Variants in GCH1 observed in about 807,000 individuals in gnomAD.
The protein encoded by GCH1 is GTP cyclohydrolase I.
A neutral mutation model predicts 25.9 loss-of-function variants in GCH1; 5 were observed. The ratio of observed to expected loss-of-function variants is 0.19; its 90% CI spans 0.10 to 0.41. The LOEUF (loss-of-function observed/expected upper bound fraction) is 0.41, where lower values mean the gene tolerates loss of function less well. GCH1 is among the 10% of genes least tolerant of loss of function. The pLI, the probability that GCH1 is intolerant of heterozygous loss-of-function variation, is 1.00. For synonymous variants in GCH1, 159 were observed against 129.6 expected, an observed-to-expected ratio of 1.23 and a Z score of -1.54; for missense variants, 261 against 336.5, an observed-to-expected ratio of 0.78 and a Z score of 1.75.
At chr14:54,869,230 G>A (rs1301376892) in intron 1 of GCH1, among the ~76,000 whole-genome samples, 1 of 151,698 alleles carries the variant, frequency 6.6e-6, no homozygotes, top group African/African-American at 2.4e-5. Context: ...TAGTAGAGAC[G>A]GGGTTTCACT....
chr14:54,874,463 A>AT (rs1342762821), intron 1 of GCH1, among the ~76,000 whole-genome samples: 1 of 152,224 alleles, frequency 6.6e-6, no homozygotes, highest in African/African-American at 2.4e-5. Context: ...CACCACTCCT[A>AT]TTCAACATAG....
chr14:54,852,604 G>A (rs2039748656), intron 3 of GCH1, among the ~76,000 whole-genome samples: 1 of 152,220 alleles, frequency 6.6e-6, no homozygotes, highest in South Asian at 2.1e-4. Flanking sequence ...ACTCCACACA[G>A]ACAGTGGGTC....
At chr14:54,867,761 C>A (rs111630397) in intron 1 of GCH1, among the ~76,000 whole-genome samples, 11 of 151,928 alleles carry the variant, frequency 7.2e-5, no homozygotes, top group Admixed American at 2.0e-4. Context: ...ACTATGCAGG[C>A]GGAGCAAGTG....
intron 1 of GCH1, among the ~76,000 whole-genome samples, chr14:54,870,901 C>T (rs1001852105): frequency 1.3e-4 from 20 of 152,334 alleles, no homozygotes; most frequent in African/African-American, 4.8e-4. Flanking sequence ...CTGCCTGCCT[C>T]CGTAGACTCC....
At chr14:54,848,183 C>A (rs992614712) in intron 3 of GCH1, among the ~76,000 whole-genome samples, 1 of 148,546 alleles carries the variant, frequency 6.7e-6, no homozygotes, top group African/African-American at 2.5e-5. Flanking sequence ...GCCATCCAGG[C>A]TGGAGTGCAA....
chr14:54,872,150 C>T (rs1303390528), intron 1 of GCH1, among the ~76,000 whole-genome samples: 3 of 152,148 alleles, frequency 2.0e-5, no homozygotes, highest in East Asian at 1.9e-4. Flanking sequence ...GCTGATCTCT[C>T]GGCAGAAACT....
chr14:54,896,075 G>T (rs2040479664), intron 1 of GCH1, among the ~76,000 whole-genome samples: 1 of 152,154 alleles, frequency 6.6e-6, no homozygotes, highest in African/African-American at 2.4e-5. Context: ...AATGGATTTT[G>T]AAGAATGTAA....
At chr14:54,851,682 C>T (rs1279463497) in intron 3 of GCH1, among the ~76,000 whole-genome samples, 8 of 152,188 alleles carry the variant, frequency 5.3e-5, no homozygotes, top group Admixed American at 3.3e-4. Context: ...GATACCATCT[C>T]ACACCAGTTA....
chr14:54,862,467 C>T (rs1013298769), intron 2 of GCH1, among the ~76,000 whole-genome samples: 2 of 148,332 alleles, frequency 1.3e-5, no homozygotes, highest in Non-Finnish European at 3.0e-5. Context: ...ACTGCAGCCT[C>T]GACCTCCTGG....
chr14:54,865,983 A>T (rs1382726562), intron 1 of GCH1, among the ~76,000 whole-genome samples: 1 of 152,156 alleles, frequency 6.6e-6, no homozygotes, highest in Non-Finnish European at 1.5e-5. Context: ...CTTATTCTAA[A>T]CAGTTGCCTT....
chr14:54,851,512 T>A (rs954201242), intron 3 of GCH1, among the ~76,000 whole-genome samples: 16 of 152,074 alleles, frequency 1.1e-4, no homozygotes, highest in Non-Finnish European at 1.6e-4. Context: ...CAAAGAACTT[T>A]AACAAATTTA....
At chr14:54,861,797 T>C (rs957187651) in intron 2 of GCH1, among the ~76,000 whole-genome samples, 1 of 151,656 alleles carries the variant, frequency 6.6e-6, no homozygotes, top group African/African-American at 2.4e-5. Flanking sequence ...GAGGAAGTAA[T>C]AGCAGAAAGT....
chr14:54,853,564 G>A (rs1020640602), intron 3 of GCH1, among the ~76,000 whole-genome samples: 2 of 152,100 alleles, frequency 1.3e-5, no homozygotes, highest in African/African-American at 2.4e-5. Context: ...GTGCCAAGAG[G>A]GGCATTATTA....
At chr14:54,877,805 T>G (rs2040185041) in intron 1 of GCH1, among the ~76,000 whole-genome samples, 1 of 152,120 alleles carries the variant, frequency 6.6e-6, no homozygotes, top group South Asian at 2.1e-4. Flanking sequence ...CCCAAGTGCT[T>G]ATTTAAGCAT....
Position 54,843,067 on chromosome 14 carries a change from G to T in GCH1, c.*950C>A. The T allele has an allele frequency of 8.5e-7, 1 of 1,176,396 alleles. No homozygotes were observed. The highest frequency in any genetic ancestry group is 1.2e-5 in the South Asian group (1 of 81,016). The allele number at this position is 1,176,396 out of a possible 1,614,324, so 72.9% of individuals were successfully genotyped here. The stretch of plus-strand genomic sequence containing the variant: ...TGGTTCTGCAGACCTGAAAATGATG[G>T]GCACTCTCAAATGTTTCTGGAAATA... On this transcript the variant is annotated 3_prime_UTR_variant, in exon 6 of 6. Transcript: ENST00000491895.
intron 2 of GCH1, among the ~76,000 whole-genome samples, chr14:54,863,421 CAAAA>C (rs755639452): frequency 1.2e-4 from 1 of 8,338 alleles, no homozygotes; most frequent in African/African-American, 5.8e-4. Context: ...GACTCCGTCT[CAAAA>C]AAAAAAAAAA....
At chr14:54,848,618 C>T (rs985320529) in intron 3 of GCH1, among the ~76,000 whole-genome samples, 5 of 152,116 alleles carry the variant, frequency 3.3e-5, no homozygotes, top group Non-Finnish European at 7.3e-5. Context: ...GGCTCTTCCC[C>T]CAACTACACG....
At chr14:54,871,784 A>T (rs995521683) in intron 1 of GCH1, among the ~76,000 whole-genome samples, 1 of 152,244 alleles carries the variant, frequency 6.6e-6, no homozygotes, top group Non-Finnish European at 1.5e-5. Context: ...AAGCAAGAAG[A>T]GAAGTTTAGA....
At chr14:54,853,329 T>C (rs569362845) in intron 3 of GCH1, among the ~76,000 whole-genome samples, 1 of 152,328 alleles carries the variant, frequency 6.6e-6, no homozygotes, top group Admixed American at 6.5e-5. Flanking sequence ...GTAGTACTAA[T>C]TCTGATCCCA....
Sources: allele counts gnomAD v4.1 joint callset (sites outside exome capture counted in the v4.1 genomes callset), GRCh38; gene constraint gnomAD v4.1.1; transcripts MANE v1.5; gene names NCBI Gene and HGNC (gene_info 2026-07-23, HGNC 2026-07-21).